Variants in ADGRB3 observed in about 807,000 individuals in gnomAD.
ADGRB3 encodes the protein adhesion G protein-coupled receptor B3.
ADGRB3 carries 37 observed loss-of-function variants against 193.4 expected under a neutral mutation model. The ratio of observed to expected loss-of-function variants is 0.19; its 90% CI spans 0.15 to 0.25. The LOEUF is 0.25. Ranked by LOEUF, ADGRB3 falls within the 10% of genes least tolerant of loss-of-function variation. The pLI, the probability that ADGRB3 is intolerant of heterozygous loss-of-function variation, is 1.00. For synonymous variants in ADGRB3, 690 were observed against 644.2 expected, an observed-to-expected ratio of 1.07 and a Z score of -1.08; for missense variants, 1,637 against 1,852.9, an observed-to-expected ratio of 0.88 and a Z score of 2.14.
At chr6:69,214,141 T>C (rs1765725078) in intron 17 of ADGRB3, among the ~76,000 whole-genome samples, 1 of 151,736 alleles carries the variant, frequency 6.6e-6, no homozygotes, top group Non-Finnish European at 1.5e-5. Flanking sequence ...CATGCAGGGG[T>C]AGAGGAGAGG....
chr6:69,040,800 A>T (rs1198504719), intron 13 of ADGRB3, among the ~76,000 whole-genome samples: 1 of 151,658 alleles, frequency 6.6e-6, no homozygotes, highest in Admixed American at 6.6e-5. Context: ...ATAGCTAAGT[A>T]AAGTTTCTAT....
chr6:69,258,533 A>G (rs1561968746), intron 20 of ADGRB3, among the ~76,000 whole-genome samples: 1 of 152,220 alleles, frequency 6.6e-6, no homozygotes, highest in Non-Finnish European at 1.5e-5. Flanking sequence ...GAAATAAATT[A>G]CCTTTATGTA....
intron 3 of ADGRB3, among the ~76,000 whole-genome samples, chr6:68,741,619 C>A (rs1418657415): frequency 6.6e-6 from 1 of 152,186 alleles, no homozygotes; most frequent in Non-Finnish European, 1.5e-5. Context: ...AACTCCTGAG[C>A]TCAAGTGATC....
intron 17 of ADGRB3, among the ~76,000 whole-genome samples, chr6:69,222,948 T>C (rs978429164): frequency 6.6e-6 from 1 of 152,168 alleles, no homozygotes; most frequent in African/African-American, 2.4e-5. Flanking sequence ...TTTTCCTAGT[T>C]TACATTTTAA....
At chr6:68,890,504 T>C (rs1766042638) in intron 3 of ADGRB3, among the ~76,000 whole-genome samples, 1 of 152,208 alleles carries the variant, frequency 6.6e-6, no homozygotes, top group Admixed American at 6.6e-5. Context: ...AGAGAGAGTA[T>C]TTCCTTATAG....
At chr6:69,131,112 A>G (rs1183405080) in intron 17 of ADGRB3, among the ~76,000 whole-genome samples, 1 of 152,130 alleles carries the variant, frequency 6.6e-6, no homozygotes, top group Non-Finnish European at 1.5e-5. Context: ...AAAATCTAGT[A>G]TAAGTTAGCT....
At chr6:68,822,524 T>TA (rs1389646843) in intron 3 of ADGRB3, among the ~76,000 whole-genome samples, 3 of 151,962 alleles carry the variant, frequency 2.0e-5, no homozygotes, top group Non-Finnish European at 2.9e-5. Context: ...TGTCTTCAAA[T>TA]AGAGTTATTG....
intron 8 of ADGRB3, among the ~76,000 whole-genome samples, chr6:68,960,487 G>A (rs1266390666): frequency 6.6e-6 from 1 of 152,092 alleles, no homozygotes; most frequent in Non-Finnish European, 1.5e-5. Flanking sequence ...CTATAATATA[G>A]CGAATGTGAT....
At chr6:68,648,191 A>C (rs1302251985) in intron 3 of ADGRB3, among the ~76,000 whole-genome samples, 2 of 152,204 alleles carry the variant, frequency 1.3e-5, no homozygotes, top group Middle Eastern at 3.2e-3. Flanking sequence ...CACTAAATAC[A>C]TGAGCATGTA....
At chr6:69,021,708 T>G (rs1770276706) in intron 13 of ADGRB3, among the ~76,000 whole-genome samples, 1 of 151,958 alleles carries the variant, frequency 6.6e-6, no homozygotes, top group Admixed American at 6.6e-5. Context: ...TCCTAGAATC[T>G]GATTAAAATC....
intron 3 of ADGRB3, among the ~76,000 whole-genome samples, chr6:68,853,642 G>T (rs901576077): frequency 6.6e-6 from 1 of 151,994 alleles, no homozygotes; most frequent in Non-Finnish European, 1.5e-5. Flanking sequence ...TTATTTATCT[G>T]CTCAATCTGG....
chr6:69,371,195 G>A (rs1330133399), intron 29 of ADGRB3, among the ~76,000 whole-genome samples: 1 of 151,922 alleles, frequency 6.6e-6, no homozygotes, highest in South Asian at 2.1e-4. Context: ...CCTTTCTTTC[G>A]GCATGTCCCC....
intron 3 of ADGRB3, among the ~76,000 whole-genome samples, chr6:68,671,479 T>C (rs1358331736): frequency 2.0e-5 from 3 of 152,090 alleles, no homozygotes; most frequent in African/African-American, 7.2e-5. Context: ...TTTCGAACTT[T>C]ATCAAATGCT....
chr6:68,690,071 G>C (rs190999053), intron 3 of ADGRB3, among the ~76,000 whole-genome samples: 166 of 152,204 alleles, frequency 1.1e-3, no homozygotes, highest in South Asian at 1.9e-3. Flanking sequence ...TGAAGCACTT[G>C]GACTCCTGGA....
chr6:69,270,919 A>C (rs1219543594), intron 20 of ADGRB3, among the ~76,000 whole-genome samples: 1 of 152,098 alleles, frequency 6.6e-6, no homozygotes, highest in East Asian at 1.9e-4. Flanking sequence ...TAGAATAAGC[A>C]TTTTTTTCAA....
At chr6:68,854,179 C>A (rs573871178) in intron 3 of ADGRB3, among the ~76,000 whole-genome samples, 2 of 152,278 alleles carry the variant, frequency 1.3e-5, no homozygotes, top group South Asian at 4.2e-4. Flanking sequence ...TCATTTCCTT[C>A]CATTAGGTAA....
chr6:69,361,706 A>T (rs1769458192), intron 29 of ADGRB3, among the ~76,000 whole-genome samples, 194 bp downstream of exon 29: 1 of 151,918 alleles, frequency 6.6e-6, no homozygotes, highest in Non-Finnish European at 1.5e-5. Context: ...TTTTCTCAGT[A>T]GTGTATTATC....
intron 17 of ADGRB3, among the ~76,000 whole-genome samples, chr6:69,164,327 T>C (rs915935233): frequency 3.3e-5 from 5 of 150,802 alleles, no homozygotes; most frequent in South Asian, 4.2e-4. Flanking sequence ...AAAAGAAAAA[T>C]AGGACAAACC....
intron 3 of ADGRB3, among the ~76,000 whole-genome samples, chr6:68,660,082 A>G (rs1582104303): frequency 6.6e-6 from 1 of 151,076 alleles, no homozygotes; most frequent in East Asian, 1.9e-4. Context: ...ATTATGATAG[A>G]ATGTCCTTGA....
Sources: allele counts gnomAD v4.1 joint callset (sites outside exome capture counted in the v4.1 genomes callset), GRCh38; gene constraint gnomAD v4.1.1; transcripts MANE v1.5; gene names NCBI Gene and HGNC (gene_info 2026-07-23, HGNC 2026-07-21).